Variants in CCDC50 observed in about 807,000 individuals in gnomAD.
CCDC50 encodes coiled-coil domain-containing protein 50.
Under a neutral mutation model 70.2 loss-of-function variants are expected in CCDC50, and 54 were observed. The observed-to-expected ratio is 0.77, with a 90% CI of 0.62 to 0.96. The LOEUF (loss-of-function observed/expected upper bound fraction) is 0.96. CCDC50 is among the 50% of genes least tolerant of loss of function. The probability of loss-of-function intolerance (pLI) is 0.00; values close to 1 mark genes in which losing one functional copy is unlikely to be tolerated. For missense variants in CCDC50, 558 were observed against 578.7 expected, an observed-to-expected ratio of 0.96 and a Z score of 0.37; for synonymous variants, 216 against 198.8, an observed-to-expected ratio of 1.09 and a Z score of -0.73.
At chr3:191,336,350 T>A (rs970138120) in intron 1 of CCDC50, among the ~76,000 whole-genome samples, 2 of 152,326 alleles carry the variant, frequency 1.3e-5, no homozygotes, top group East Asian at 1.9e-4. Context: ...TTACTTTTTT[T>A]AATTTTAACC....
chr3:191,333,931 C>A (rs894545104), intron 1 of CCDC50, among the ~76,000 whole-genome samples: 1 of 151,932 alleles, frequency 6.6e-6, no homozygotes, highest in Non-Finnish European at 1.5e-5. Flanking sequence ...ATATGTATTA[C>A]ATAGAAAAAT....
chr3:191,366,973 G>A (rs534155536), intron 4 of CCDC50, among the ~76,000 whole-genome samples: 91 of 152,146 alleles, frequency 6.0e-4, no homozygotes, highest in Non-Finnish European at 1.1e-3. Context: ...GAAATTATCT[G>A]ACAAAACTCA....
intron 1 of CCDC50, among the ~76,000 whole-genome samples, chr3:191,343,196 C>T (rs1473867): frequency 0.18 from 27,395 of 152,120 alleles, 2,795 homozygotes; most frequent in East Asian, 0.45. Flanking sequence ...GTCCCCCTCA[C>T]GTATACCCAG....
intron 1 of CCDC50, among the ~76,000 whole-genome samples, chr3:191,341,896 G>A (rs1044738874): frequency 2.6e-5 from 4 of 152,172 alleles, no homozygotes; most frequent in Non-Finnish European, 4.4e-5. Flanking sequence ...ATTCTGTATA[G>A]ATTGTTTCTA....
intron 4 of CCDC50, among the ~76,000 whole-genome samples, chr3:191,368,363 G>C (rs1052350073): frequency 6.6e-6 from 1 of 151,924 alleles, no homozygotes; most frequent in African/African-American, 2.4e-5. Flanking sequence ...CTATTGCATG[G>C]ACATTTACAT....
At chr3:191,387,319 G>GT (rs1713529304) in intron 10 of CCDC50, among the ~76,000 whole-genome samples, 1 of 152,126 alleles carries the variant, frequency 6.6e-6, no homozygotes, top group South Asian at 2.1e-4. Context: ...GTGTTTGGCT[G>GT]TATCACTAAA....
intron 4 of CCDC50, among the ~76,000 whole-genome samples, chr3:191,364,731 AAGT>A (rs1238336321): frequency 6.6e-6 from 1 of 152,118 alleles, no homozygotes; most frequent in Non-Finnish European, 1.5e-5. Flanking sequence ...GATGTAAGGA[AAGT>A]AGCATTTCCA....
At chr3:191,371,448 A>G (rs990970919) in intron 5 of CCDC50, among the ~76,000 whole-genome samples, 2 of 152,210 alleles carry the variant, frequency 1.3e-5, no homozygotes, top group Non-Finnish European at 2.9e-5. Context: ...TCACAAGTGA[A>G]CAAAACCTAA....
At chr3:191,383,860 A>G (rs1250286837) in intron 10 of CCDC50, among the ~76,000 whole-genome samples, 2 of 152,182 alleles carry the variant, frequency 1.3e-5, no homozygotes, top group Non-Finnish European at 2.9e-5. Context: ...TTAGAACTCT[A>G]TAGGTTAGTA....
chr3:191,368,801 A>G (rs1236025828), intron 4 of CCDC50, among the ~76,000 whole-genome samples: 4 of 152,092 alleles, frequency 2.6e-5, no homozygotes, highest in Non-Finnish European at 5.9e-5. Flanking sequence ...TATTTGTATG[A>G]GCCTTTAAGA....
chr3:191,335,196 A>G (rs1418011737), intron 1 of CCDC50, among the ~76,000 whole-genome samples: 1 of 152,200 alleles, frequency 6.6e-6, no homozygotes, highest in East Asian at 1.9e-4. Context: ...AGTTATGGAG[A>G]CCACTAAACT....
chr3:191,334,236 G>C (rs1048575595), intron 1 of CCDC50, among the ~76,000 whole-genome samples: 6 of 152,086 alleles, frequency 3.9e-5, no homozygotes, highest in Admixed American at 3.9e-4. Flanking sequence ...AGAATGCATG[G>C]AGTTGTTGAA....
chr3:191,343,285 A>G (rs1711797983), intron 1 of CCDC50, among the ~76,000 whole-genome samples: 1 of 152,126 alleles, frequency 6.6e-6, no homozygotes, highest in South Asian at 2.1e-4. Flanking sequence ...TTTGTTTAAG[A>G]TTATTTAGTT....
chr3:191,390,867 T>C (rs1050346254), intron 11 of CCDC50, among the ~76,000 whole-genome samples: 1 of 152,194 alleles, frequency 6.6e-6, no homozygotes, highest in African/African-American at 2.4e-5. Flanking sequence ...CCAGCCCCTA[T>C]TAAAGATGGA....
At chr3:191,384,370 T>C (rs573222829) in intron 10 of CCDC50, among the ~76,000 whole-genome samples, 2 of 152,302 alleles carry the variant, frequency 1.3e-5, no homozygotes, top group South Asian at 2.1e-4. Context: ...CATATGTAGA[T>C]ACCTTGCACA....
At chr3:191,367,212 T>C (rs1475885951) in intron 4 of CCDC50, among the ~76,000 whole-genome samples, 1 of 152,118 alleles carries the variant, frequency 6.6e-6, no homozygotes, top group African/African-American at 2.4e-5. Context: ...AGCACTTTCT[T>C]TGACTAGCTA....
At chr3:191,378,577 A>G (rs938326878) in intron 6 of CCDC50, among the ~76,000 whole-genome samples, 1 of 152,122 alleles carries the variant, frequency 6.6e-6, no homozygotes, top group Non-Finnish European at 1.5e-5. Context: ...TGGTTTATAT[A>G]GCAGACTATC....
intron 1 of CCDC50, among the ~76,000 whole-genome samples, chr3:191,346,126 A>G (rs1711915436): frequency 1.3e-5 from 2 of 152,184 alleles, no homozygotes; most frequent in African/African-American, 4.8e-5. Flanking sequence ...TGTGGGCTTT[A>G]CTTTTGTTAA....
At position 191,357,104 on chromosome 3, in the gene CCDC50, T is replaced by C. The variant is rs1381253517; in HGVS notation, c.66T>C (p.Ala22=). The C allele has an allele frequency of 2.5e-6, 4 of 1,612,866 alleles. No homozygotes were observed. Among genetic ancestry groups the C allele is most frequent in the Admixed American group, 3.3e-5 (2 of 59,976 alleles). Residue 22 remains alanine (A), a synonymous_variant, in exon 2 of 12, where the codon GCT becomes GCC. Transcript: ENST00000392455. ...PGVKEVCRDF[A]VLEDHTLAHS... The stretch of plus-strand genomic sequence containing the variant: ...CTACTCTAGTATGCCGAGATTTTGC[T>C]GTCCTGGAGGACCACACCCTGGCTC...
Sources: gnomAD v4.1 joint callset for allele counts (sites outside exome capture counted in the v4.1 genomes callset) on GRCh38, gnomAD v4.1.1 for gene constraint, MANE v1.5 for transcripts, NCBI Gene and HGNC (gene_info 2026-07-23, HGNC 2026-07-21) for gene names.